The following STK3 variants were observed in gnomAD, a reference collection of about 807,000 sequenced individuals.
The protein encoded by STK3 is serine/threonine-protein kinase 3.
A neutral mutation model predicts 58.0 loss-of-function variants in STK3; 41 were observed. That is an observed-to-expected ratio of 0.71 (90% CI 0.55 to 0.92). The LOEUF is 0.92. Ranked by LOEUF, STK3 falls within the 40% of genes least tolerant of loss-of-function variation. STK3 has a pLI of 0.00. For synonymous variants in STK3, 170 were observed against 191.0 expected (o/e 0.89, Z 0.91); for missense variants, 479 against 602.7 (o/e 0.79, Z 2.15).
chr8:98,455,820 A>T lies in STK3; in HGVS notation c.*22T>A, dbSNP rs1402545677. 1 of 1,612,532 alleles carries T rather than the reference A, an allele frequency of 6.2e-7. No individual in the cohort carries two copies. The highest frequency in any genetic ancestry group is 2.2e-5 in the East Asian group (1 of 44,860). ...TGGTTTCTTGGTCTCCAGAATAGTT[A>T]AAAACAGAGAGGAAATTAGACTCAA... is the stretch of plus-strand genomic sequence containing the variant. On this transcript the variant is annotated 3_prime_UTR_variant, in exon 11 of 11. Transcript: ENST00000419617.
chr8:98,493,202 C>A (rs1400204005), intron 10 of STK3, among the ~76,000 whole-genome samples: 2 of 145,256 alleles, frequency 1.4e-5, no homozygotes, highest in Non-Finnish European at 3.0e-5. Context: ...ACTGCATTTC[C>A]ATCCTGGGCA....
At chr8:98,910,414 G>C (rs187716927) in intron 1 of STK3, among the ~76,000 whole-genome samples, 1 of 152,198 alleles carries the variant, frequency 6.6e-6, no homozygotes, top group Middle Eastern at 3.4e-3. Flanking sequence ...CTCAATAAAC[G>C]TGAAGAACTA....
At chr8:98,623,689 T>C (rs1370743992) in intron 6 of STK3, among the ~76,000 whole-genome samples, 2 of 152,068 alleles carry the variant, frequency 1.3e-5, no homozygotes, top group Non-Finnish European at 2.9e-5. Flanking sequence ...GAGGCTGAGG[T>C]GGAAGGATCA....
rs1344950129 is a variant in STK3, at chr8:98,543,194, T to C, written c.1141+4775A>G. The stretch of plus-strand genomic sequence containing the variant: ...CACAGGAGGATTTAGGCATTGCAAG[T>C]GGCCAAAGGTAAAAAAGCTCTGTAA... On this transcript the variant is annotated intron_variant, in intron 9 of 10. Transcript: ENST00000419617. Among the ~76,000 whole-genome samples the C allele has an allele frequency of 4.4e-5, 3 of 67,936 alleles. No individual in the cohort carries two copies. The South Asian group carries it at 1.1e-3, about 24-fold the overall frequency. 44.6% of individuals were successfully genotyped at this position (67,936 alleles called of 152,430 possible). A position where few individuals can be genotyped will look rare whatever the true frequency, so the allele number is the denominator to read the frequency against.
intron 4 of STK3, among the ~76,000 whole-genome samples, chr8:98,718,146 A>T (rs1827157401): frequency 6.6e-6 from 1 of 152,204 alleles, no homozygotes; most frequent in Admixed American, 6.6e-5. Flanking sequence ...ATGCTTACAC[A>T]ACTTTATAAA....
chr8:98,389,028 T>C (rs930425558), upstream of STK3, among the ~76,000 whole-genome samples: 1 of 152,188 alleles, frequency 6.6e-6, no homozygotes, highest in Non-Finnish European at 1.5e-5. Flanking sequence ...AGATGATGAA[T>C]ATGAGAGCAC....
At chr8:98,400,036 G>A (rs948801218), downstream of STK3, among the ~76,000 whole-genome samples, 3 of 152,068 alleles carry the variant, frequency 2.0e-5, no homozygotes, top group Non-Finnish European at 2.9e-5. Flanking sequence ...TGCTACCCAC[G>A]CATCAGATCC....
chr8:98,813,403 A>C (rs1834349401), intron 1 of STK3, among the ~76,000 whole-genome samples: 1 of 151,754 alleles, frequency 6.6e-6, no homozygotes, highest in African/African-American at 2.4e-5. Context: ...ACAGTATTAA[A>C]TTTATGGGGG....
At chr8:98,524,598 T>G (rs980439930) in intron 10 of STK3, among the ~76,000 whole-genome samples, 2 of 152,240 alleles carry the variant, frequency 1.3e-5, no homozygotes, top group Non-Finnish European at 2.9e-5. Flanking sequence ...CTCATTCTTT[T>G]TGATGCTATT....
chr8:98,675,575 G>A (rs2130865186), intron 6 of STK3, among the ~76,000 whole-genome samples: 1 of 152,184 alleles, frequency 6.6e-6, no homozygotes, highest in South Asian at 2.1e-4. Flanking sequence ...TAAAAGCAGG[G>A]ACTCGGGCTG....
chr8:98,663,005 C>G (rs1330987891), intron 6 of STK3, among the ~76,000 whole-genome samples: 6 of 152,056 alleles, frequency 3.9e-5, no homozygotes, highest in Non-Finnish European at 7.4e-5. Flanking sequence ...AAAGCAATGG[C>G]AACAAAAGCC....
At chr8:98,577,480 C>T (rs1813505763) in intron 8 of STK3, among the ~76,000 whole-genome samples, 1 of 152,066 alleles carries the variant, frequency 6.6e-6, no homozygotes. Context: ...GAACGAGACT[C>T]GGTCTCAAAA....
chr8:98,518,608 A>T (rs1469246689), intron 10 of STK3, among the ~76,000 whole-genome samples: 1 of 152,120 alleles, frequency 6.6e-6, no homozygotes, highest in Non-Finnish European at 1.5e-5. Context: ...CTTTCAAAAC[A>T]AAGGTTATGA....
intron 1 of STK3, among the ~76,000 whole-genome samples, chr8:98,776,301 T>C (rs1346821792): frequency 6.6e-6 from 1 of 151,810 alleles, no homozygotes; most frequent in Non-Finnish European, 1.5e-5. Context: ...TCTTTTCTGA[T>C]TGGTTTCACA....
intron 1 of STK3, among the ~76,000 whole-genome samples, chr8:98,448,218 G>A (rs148392143): frequency 3.3e-4 from 50 of 152,178 alleles, no homozygotes; most frequent in African/African-American, 1.9e-4. Context: ...GACATGCTAA[G>A]CATGCAAACT....
chr8:98,566,024 C>T lies in STK3; in HGVS notation c.948+13640G>A, dbSNP rs916710331. On this transcript the variant is annotated intron_variant, in intron 8 of 10. Coordinates refer to ENST00000419617, the MANE Select transcript of STK3 (RefSeq NM_006281.4). ...TTGGATTAACCTTCTACAGAAATCT[C>T]TGTTTGCAATTTGTTTAATTTTAGA... 2.0e-4 allele frequency among the ~76,000 whole-genome samples: 30 copies of T among 152,264 alleles called. 1 individual carries two copies. Among genetic ancestry groups the T allele is most frequent in the African/African-American group, 7.0e-4 (29 of 41,574 alleles).
At chr8:98,751,757 C>T (rs539657998) in intron 3 of STK3, among the ~76,000 whole-genome samples, 6 of 152,122 alleles carry the variant, frequency 3.9e-5, no homozygotes, top group East Asian at 3.9e-4. Context: ...CTGGCCAACA[C>T]GGTGAAACCC....
intron 1 of STK3, among the ~76,000 whole-genome samples, chr8:98,816,533 CAAACA>C (rs909418057): frequency 1.3e-5 from 2 of 151,142 alleles, no homozygotes; most frequent in Non-Finnish European, 3.0e-5. Context: ...AACAAACAAA[CAAACA>C]AAACACAACC....
At chr8:98,826,914 T>C (rs1014104525), upstream of STK3, among the ~76,000 whole-genome samples, 1 of 136,906 alleles carries the variant, frequency 7.3e-6, no homozygotes, top group South Asian at 2.4e-4. Flanking sequence ...TCCCAGCTGC[T>C]TGGGAGGCTG....
Sources: allele counts gnomAD v4.1 joint callset (sites outside exome capture counted in the v4.1 genomes callset), GRCh38; gene constraint gnomAD v4.1.1; transcripts MANE v1.5; gene names NCBI Gene and HGNC (gene_info 2026-07-23, HGNC 2026-07-21).